TXLNG: variants seen among roughly 807,000 people sequenced by gnomAD.
TXLNG encodes the protein taxilin gamma.
In TXLNG, 5 loss-of-function variants were observed where a neutral mutation model predicts 38.8. That is an observed-to-expected ratio of 0.13 (90% CI 0.07 to 0.27). The LOEUF is 0.27. TXLNG is among the 10% of genes least tolerant of loss of function. The pLI is 1.00. For synonymous variants in TXLNG, 182 were observed against 158.2 expected, an observed-to-expected ratio of 1.15 and a Z score of -1.13; for missense variants, 393 against 398.2, an observed-to-expected ratio of 0.99 and a Z score of 0.11.
chrX:16,791,817 C>T (rs1386936633), intron 1 of TXLNG, among the ~76,000 whole-genome samples: 1 of 112,059 alleles, frequency 8.9e-6, no homozygotes, highest in Non-Finnish European at 1.9e-5. Context: ...AACTCCTGAC[C>T]TCAAGTGATC....
chrX:16,792,755 G>A (rs1254056400), intron 1 of TXLNG, among the ~76,000 whole-genome samples: 1 of 107,797 alleles, frequency 9.3e-6, no homozygotes, highest in Non-Finnish European at 1.9e-5. Flanking sequence ...CTCTAGCCTG[G>A]GCAAGAGAGT....
At chrX:16,832,593 G>A (rs1256715742) in intron 5 of TXLNG, 30 bp from the exon 6 acceptor site, 2 of 1,208,886 alleles carry the variant, frequency 1.7e-6, no homozygotes, top group Non-Finnish European at 2.2e-6. Context: ...TCTTTGGTGA[G>A]TGATGGAAGA....
chrX:16,828,921 G>A (rs1929274528), intron 4 of TXLNG, among the ~76,000 whole-genome samples: 2 of 111,272 alleles, frequency 1.8e-5, no homozygotes, highest in Non-Finnish European at 3.8e-5. Context: ...AAACTCCCAA[G>A]GCCCTAGACT....
At chrX:16,825,110 A>G (rs941936367) in intron 3 of TXLNG, among the ~76,000 whole-genome samples, 1 of 112,033 alleles carries the variant, frequency 8.9e-6, no homozygotes, top group Non-Finnish European at 1.9e-5. Flanking sequence ...AAAAACAAAG[A>G]TACGAAGATA....
At chrX:16,820,884 T>G (rs764910150) in intron 3 of TXLNG, among the ~76,000 whole-genome samples, 1 of 111,270 alleles carries the variant, frequency 9.0e-6, no homozygotes, top group East Asian at 2.8e-4. Context: ...TTCTCCTGCC[T>G]CAACCTCCTG....
chrX:16,797,673 G>C (rs769963271), intron 1 of TXLNG, among the ~76,000 whole-genome samples: 1 of 112,186 alleles, frequency 8.9e-6, no homozygotes, highest in South Asian at 3.7e-4. Context: ...CAGCATGAAA[G>C]AGAAGGAAGT....
chrX:16,820,993 T>C (rs1284577780), intron 3 of TXLNG, among the ~76,000 whole-genome samples: 1 of 109,493 alleles, frequency 9.1e-6, no homozygotes, highest in Non-Finnish European at 1.9e-5. Flanking sequence ...ATGGTCTTGA[T>C]CTCCTGACCT....
At chrX:16,806,483 C>G (rs1928331152) in intron 1 of TXLNG, among the ~76,000 whole-genome samples, 1 of 112,143 alleles carries the variant, frequency 8.9e-6, no homozygotes, top group African/African-American at 3.2e-5. Context: ...TTGGTTTATC[C>G]TAAAACACAA....
intron 1 of TXLNG, among the ~76,000 whole-genome samples, chrX:16,791,323 C>T (rs1469600773): frequency 9.0e-6 from 1 of 111,447 alleles, no homozygotes; most frequent in Non-Finnish European, 1.9e-5. Flanking sequence ...TCCCCATTTG[C>T]CAACTTGATG....
At chrX:16,790,362 G>T (rs1209725979) in intron 1 of TXLNG, among the ~76,000 whole-genome samples, 2 of 110,106 alleles carry the variant, frequency 1.8e-5, no homozygotes, top group Admixed American at 2.0e-4. Context: ...GACAGCCACT[G>T]ATTTTATTTT....
Position 16,796,094 on chromosome X carries a change from A to G in TXLNG, c.102+9505A>G, listed in dbSNP as rs372533429. Among the ~76,000 whole-genome samples the G allele has an allele frequency of 8.2e-3, 916 of 111,626 alleles. 8 individuals carry two copies. The highest frequency in any genetic ancestry group is 0.028 in the African/African-American group (864 of 30,707). ...CTCCCAAAGTGCTGGCATTACAGGCATGAGCCACTGTGCCCGGCCTCACTT... is the reference window on the plus strand; with the variant it reads ...CTCCCAAAGTGCTGGCATTACAGGCGTGAGCCACTGTGCCCGGCCTCACTT... On this transcript the variant is annotated intron_variant, in intron 1 of 9. Coordinates refer to ENST00000380122, the MANE Select transcript of TXLNG (RefSeq NM_018360.3).
chrX:16,805,135 C>T (rs1431902349), intron 1 of TXLNG, among the ~76,000 whole-genome samples: 4 of 107,326 alleles, frequency 3.7e-5, no homozygotes, highest in Non-Finnish European at 5.8e-5. Flanking sequence ...AGATGTGTGC[C>T]GTCACACACG....
At chrX:16,812,599 G>A (rs1258470235) in intron 1 of TXLNG, among the ~76,000 whole-genome samples, 1 of 105,675 alleles carries the variant, frequency 9.5e-6, no homozygotes, top group African/African-American at 3.5e-5. Flanking sequence ...TCACCATGTT[G>A]GCTAGGCTGG....
At chrX:16,787,527 G>T (rs759197088) in intron 1 of TXLNG, among the ~76,000 whole-genome samples, 2 of 111,309 alleles carry the variant, frequency 1.8e-5, no homozygotes, top group Non-Finnish European at 3.8e-5. Flanking sequence ...GGAGTTTTCA[G>T]TCCCTCCCTA....
chrX:16,837,546 A>T (rs1422062932), intron 7 of TXLNG, 47 bp from the exon 8 acceptor site: 2 of 985,379 alleles, frequency 2.0e-6, no homozygotes, highest in Non-Finnish European at 2.8e-6. Flanking sequence ...TGGGAACTGG[A>T]ATTGTTTGCA....
At chrX:16,817,722 A>G (rs1242088859) in intron 1 of TXLNG, among the ~76,000 whole-genome samples, 2 of 112,824 alleles carry the variant, frequency 1.8e-5, no homozygotes, top group Non-Finnish European at 3.7e-5. Context: ...TACTGACATA[A>G]GAATAACATA....
chrX:16,811,723 G>C (rs764822428), intron 1 of TXLNG, among the ~76,000 whole-genome samples: 1 of 104,334 alleles, frequency 9.6e-6, no homozygotes, highest in East Asian at 3.0e-4. Context: ...TGCAACCTCT[G>C]CTTCCCGGGT....
chrX:16,810,460 T>C (rs1448892791), intron 1 of TXLNG, among the ~76,000 whole-genome samples: 1 of 111,911 alleles, frequency 8.9e-6, no homozygotes, highest in African/African-American at 3.2e-5. Flanking sequence ...GTCCTTGTGG[T>C]AGAAAAATTG....
In TXLNG at chrX:16,792,989, C is replaced by T. The variant is rs771717739; in HGVS notation, c.102+6400C>T. Among the ~76,000 whole-genome samples, 614 of 106,800 alleles carry T rather than the reference C, an allele frequency of 5.7e-3. 2 individuals are homozygous for T. The highest frequency in any genetic ancestry group is 9.1e-3 in the Non-Finnish European group (470 of 51,837). 92.7% of individuals were successfully genotyped at this position (106,800 alleles called of 115,157 possible). Reference sequence around the variant, plus strand: ...ATGCATGCCTGTAATCCCAGCTACTCGGGAGGCTGAGGCAGGAGAATCACT... The same window carrying T: ...ATGCATGCCTGTAATCCCAGCTACTTGGGAGGCTGAGGCAGGAGAATCACT... On this transcript the variant is annotated intron_variant, in intron 1 of 9. Transcript: ENST00000380122.
Sources: gnomAD v4.1 joint callset for allele counts (sites outside exome capture counted in the v4.1 genomes callset) on GRCh38, gnomAD v4.1.1 for gene constraint, MANE v1.5 for transcripts, NCBI Gene and HGNC (gene_info 2026-07-23, HGNC 2026-07-21) for gene names.